The following KIF4A variants were observed in gnomAD, a reference collection of about 807,000 sequenced individuals.
KIF4A encodes the protein kinesin family member 4A.
A neutral mutation model predicts 105.9 loss-of-function variants in KIF4A; 7 were observed. That is an observed-to-expected ratio of 0.07 (90% CI 0.04 to 0.12). The LOEUF (loss-of-function observed/expected upper bound fraction) is 0.12. Ranked by LOEUF, KIF4A falls within the 10% of genes least tolerant of loss-of-function variation. The pLI, the probability that KIF4A is intolerant of heterozygous loss-of-function variation, is 1.00. For synonymous variants in KIF4A, 281 were observed against 331.3 expected, an observed-to-expected ratio of 0.85 and a Z score of 1.65; for missense variants, 558 against 929.2, an observed-to-expected ratio of 0.60 and a Z score of 5.19.
At chrX:70,373,086 A>G (rs1177678341) in intron 15 of KIF4A, among the ~76,000 whole-genome samples, 1 of 111,514 alleles carries the variant, frequency 9.0e-6, no homozygotes, top group Non-Finnish European at 1.9e-5. Flanking sequence ...AGCCTGGGCA[A>G]CATGGCGAAA....
At chrX:70,294,744 T>C (rs1184943957) in intron 3 of KIF4A, among the ~76,000 whole-genome samples, 1 of 112,771 alleles carries the variant, frequency 8.9e-6, no homozygotes, top group African/African-American at 3.2e-5. Flanking sequence ...TATCTTCCTC[T>C]AGCTTCAATC....
At chrX:70,348,383 C>T (rs893495693) in intron 13 of KIF4A, among the ~76,000 whole-genome samples, 1 of 111,112 alleles carries the variant, frequency 9.0e-6, no homozygotes, top group African/African-American at 3.3e-5. Flanking sequence ...ATTGATCATT[C>T]TTGGGTGTTT....
intron 15 of KIF4A, among the ~76,000 whole-genome samples, chrX:70,364,916 G>C (rs1186355122): frequency 8.1e-5 from 9 of 110,849 alleles, no homozygotes; most frequent in Non-Finnish European, 1.5e-4. Context: ...CTTTTATTTC[G>C]TTGAGCAGTG....
intron 15 of KIF4A, among the ~76,000 whole-genome samples, chrX:70,373,180 G>A (rs751440919): frequency 1.4e-4 from 15 of 109,254 alleles, no homozygotes; most frequent in Admixed American, 5.0e-4. Flanking sequence ...GCTAAGGTGG[G>A]AGGATCACTT....
chrX:70,372,804 C>T (rs1013386562), intron 15 of KIF4A, among the ~76,000 whole-genome samples: 1 of 113,031 alleles, frequency 8.8e-6, no homozygotes, highest in African/African-American at 3.2e-5. Context: ...TTACAGTTTA[C>T]AAAATGTCTA....
chrX:70,298,212 C>T (rs2085791015), intron 4 of KIF4A, among the ~76,000 whole-genome samples: 1 of 110,446 alleles, frequency 9.1e-6, no homozygotes, highest in East Asian at 2.9e-4. Flanking sequence ...AGAGTGAGAC[C>T]TTAAAGGCAA....
At chrX:70,357,954 A>G (rs1312433081) in intron 15 of KIF4A, among the ~76,000 whole-genome samples, 1 of 111,228 alleles carries the variant, frequency 9.0e-6, no homozygotes, top group African/African-American at 3.3e-5. Context: ...TCTGTTACCC[A>G]GGCTGGAGTG....
chrX:70,333,680 G>T lies in KIF4A; in HGVS notation c.1124G>T (p.Gly375Val). Residue 375 changes from glycine (G) to valine (V), a missense_variant, in exon 10 of 31, where the codon GGA (glycine) becomes GTA (valine). Transcript: ENST00000374403. Reference protein sequence around the residue: ...LLQAHGGTLPGSITVEPSENL... With the variant: ...LLQAHGGTLPVSITVEPSENL... Reference sequence around the variant, plus strand: ...CAGGCCCATGGAGGTACCCTGCCTGGATCTATAACGTAAGAGTCATAGATT... The same window carrying T: ...CAGGCCCATGGAGGTACCCTGCCTGTATCTATAACGTAAGAGTCATAGATT... 1 of 1,162,617 alleles carries T rather than the reference G, an allele frequency of 8.6e-7. No homozygotes were observed. Among genetic ancestry groups the T allele is most frequent in the Non-Finnish European group, 1.2e-6 (1 of 851,434 alleles).
intron 28 of KIF4A, among the ~76,000 whole-genome samples, chrX:70,416,549 T>C (rs1362737103): frequency 2.8e-5 from 3 of 108,989 alleles, no homozygotes; most frequent in Non-Finnish European, 5.7e-5. Flanking sequence ...TTGCCCAGGC[T>C]AGTCTCAAAC....
At chrX:70,404,107 G>A in intron 24 of KIF4A, 73 bp downstream of exon 24, 5 of 1,095,385 alleles carry the variant, frequency 4.6e-6, no homozygotes, top group Non-Finnish European at 6.2e-6. Flanking sequence ...TAAAAAAAAA[G>A]TGGGGATATG....
At chrX:70,299,476 C>T (rs2085796396) in intron 5 of KIF4A, among the ~76,000 whole-genome samples, 1 of 110,851 alleles carries the variant, frequency 9.0e-6, no homozygotes. Context: ...TAAGGCTGAG[C>T]AGTCCAGTAT....
chrX:70,307,560 T>G (rs945753503), intron 7 of KIF4A, among the ~76,000 whole-genome samples: 1 of 111,992 alleles, frequency 8.9e-6, no homozygotes, highest in Non-Finnish European at 1.9e-5. Flanking sequence ...CATTCAGTCT[T>G]TGTTCTTCAT....
chrX:70,370,945 A>AT, intron 15 of KIF4A, among the ~76,000 whole-genome samples: 1 of 108,525 alleles, frequency 9.2e-6, no homozygotes, highest in Non-Finnish European at 1.9e-5. Flanking sequence ...CAAAAAAAAA[A>AT]AAAAAAAAGC....
At chrX:70,323,643 T>A (rs1449947348) in intron 7 of KIF4A, among the ~76,000 whole-genome samples, 2 of 110,997 alleles carry the variant, frequency 1.8e-5, no homozygotes, top group African/African-American at 6.6e-5. Context: ...AATACCCCTA[T>A]ACCTATAGTA....
chrX:70,298,322 C>T (rs1393502169), intron 4 of KIF4A, among the ~76,000 whole-genome samples: 2 of 110,823 alleles, frequency 1.8e-5, no homozygotes. Flanking sequence ...CCTCCAGCTC[C>T]TGCTCAAGCG....
intron 7 of KIF4A, among the ~76,000 whole-genome samples, chrX:70,320,934 C>T (rs60186863): frequency 0.016 from 1,842 of 111,756 alleles, 37 homozygotes; most frequent in African/African-American, 0.056. Flanking sequence ...AAAATATCAC[C>T]TATATCCATA....
At chrX:70,331,135 C>A (rs1401420114) in intron 9 of KIF4A, among the ~76,000 whole-genome samples, 2 of 103,322 alleles carry the variant, frequency 1.9e-5, no homozygotes, top group African/African-American at 7.1e-5. Flanking sequence ...GTATCCCTAT[C>A]TGTACAGTAG....
chrX:70,357,767 A>G (rs111758016), intron 15 of KIF4A, among the ~76,000 whole-genome samples: 14,902 of 111,578 alleles, frequency 0.13, 929 homozygotes, highest in Non-Finnish European at 0.18. Flanking sequence ...TGAGAAGTCT[A>G]TTATAATTTT....
chrX:70,304,924 A>G (rs1290420948), intron 7 of KIF4A, among the ~76,000 whole-genome samples: 1 of 111,402 alleles, frequency 9.0e-6, no homozygotes, highest in East Asian at 2.8e-4. Flanking sequence ...GGCCTCCCAA[A>G]GTGCTGGGAT....
Sources: gnomAD v4.1 joint callset for allele counts (sites outside exome capture counted in the v4.1 genomes callset) on GRCh38, gnomAD v4.1.1 for gene constraint, MANE v1.5 for transcripts, NCBI Gene and HGNC (gene_info 2026-07-23, HGNC 2026-07-21) for gene names.